Variants in MYO3A observed in about 807,000 individuals in gnomAD.
MYO3A encodes the protein myosin IIIA.
Under a neutral mutation model 192.7 loss-of-function variants are expected in MYO3A, and 180 were observed. The observed-to-expected ratio is 0.93, with a 90% CI of 0.83 to 1.06. MYO3A has a LOEUF of 1.06. Among genes scored for constraint, MYO3A ranks in the 50% least tolerant of loss-of-function variants. The pLI, the probability that MYO3A is intolerant of heterozygous loss-of-function variation, is 0.00. For missense variants in MYO3A, 1,896 were observed against 1,905.0 expected (o/e 1.00, Z 0.09); for synonymous variants, 628 against 645.3 (o/e 0.97, Z 0.41).
intron 20 of MYO3A, among the ~76,000 whole-genome samples, chr10:26,135,787 G>A (rs1442028586): frequency 2.6e-5 from 4 of 151,882 alleles, no homozygotes; most frequent in East Asian, 1.9e-4. Flanking sequence ...CCAACATGGC[G>A]ACACCTCATC....
At chr10:26,020,004 C>T (rs1236130621) in intron 7 of MYO3A, among the ~76,000 whole-genome samples, 2 of 151,554 alleles carry the variant, frequency 1.3e-5, no homozygotes, top group Non-Finnish European at 3.0e-5. Flanking sequence ...ATGATGATGT[C>T]CCATCAAACT....
At chr10:26,077,233 GTTTTTTTTT>G (rs34464120) in intron 14 of MYO3A, among the ~76,000 whole-genome samples, 4 of 36,294 alleles carry the variant, frequency 1.1e-4, no homozygotes, top group African/African-American at 3.9e-4. Flanking sequence ...TATTCCTAAG[GTTTTTTTTT>G]TTTTTTTTTT....
chr10:26,096,183 T>C (rs1043092316), intron 15 of MYO3A, among the ~76,000 whole-genome samples, 198 bp from the exon 16 acceptor site: 9 of 152,178 alleles, frequency 5.9e-5, no homozygotes, highest in Non-Finnish European at 1.3e-4. Flanking sequence ...TATGAAGTGA[T>C]TAAGATAATT....
intron 34 of MYO3A, among the ~76,000 whole-genome samples, chr10:26,206,605 T>C (rs1265666753): frequency 6.6e-6 from 1 of 151,816 alleles, no homozygotes; most frequent in Non-Finnish European, 1.5e-5. Flanking sequence ...CCTGCCACCA[T>C]ACCCATCTAA....
chr10:25,942,677 T>C (rs1836575135), intron 2 of MYO3A, among the ~76,000 whole-genome samples: 1 of 152,228 alleles, frequency 6.6e-6, no homozygotes, highest in Non-Finnish European at 1.5e-5. Context: ...ACTTTTTGAT[T>C]TGCATTTTCC....
rs190562433 is a variant in MYO3A at position 26,118,202 on chromosome 10, G to A, written c.1777-2474G>A. Among the ~76,000 whole-genome samples the A allele has an allele frequency of 4.0e-3, 606 of 151,128 alleles. 1 individual carries two copies. Among genetic ancestry groups the A allele is most frequent in the Non-Finnish European group, 7.3e-3 (497 of 67,744 alleles). On this transcript the variant is annotated intron_variant, in intron 17 of 34. Coordinates refer to ENST00000642920, the MANE Select transcript of MYO3A (RefSeq NM_017433.5). The stretch of plus-strand genomic sequence containing the variant: ...TTTAATAGGGTTTTTTTTTTCCTAA[G>A]GCCTATAGTTTCCTCAAGAAAAATA...
intron 10 of MYO3A, among the ~76,000 whole-genome samples, chr10:26,028,815 A>G (rs1842675751): frequency 1.3e-5 from 2 of 152,126 alleles, no homozygotes; most frequent in African/African-American, 2.4e-5. Context: ...CTAGAGTCCT[A>G]GGGGAAATGT....
rs758466958 is a variant in MYO3A at position 26,176,806 on chromosome 10, C to A, written c.4399C>A (p.Pro1467Thr). 3 of 1,613,950 alleles carry A rather than the reference C, an allele frequency of 1.9e-6. No homozygotes were observed. In the African/African-American group the frequency reaches 4.0e-5, roughly 22 times the overall value. The stretch of plus-strand genomic sequence containing the variant: ...TTATCTGGGTGTCTCGCACCATAAG[C>A]CAATTAATAGACGAGTTTCTTCTCA... Reference protein sequence around the residue: ...SLYLGVSHHKPINRRVSSQQC... With the variant: ...SLYLGVSHHKTINRRVSSQQC... The change falls in exon 31 of 35, where the codon CCA (proline) becomes ACA (threonine). Residue 1467 changes from proline (P) to threonine (T), a missense_variant. Physicochemically the swap from Pro to Thr is conservative, Grantham distance 38 (BLOSUM62 -1). Transcript: ENST00000642920.
intron 6 of MYO3A, among the ~76,000 whole-genome samples, chr10:25,999,363 A>G (rs1384504735): frequency 6.6e-6 from 1 of 152,212 alleles, no homozygotes; most frequent in Non-Finnish European, 1.5e-5. Context: ...TATTAATTAC[A>G]TATAAGATAG....
intron 29 of MYO3A, 124 bp downstream of exon 29, chr10:26,170,663 C>T (rs2132018799): frequency 1.9e-6 from 2 of 1,026,278 alleles, no homozygotes; most frequent in Non-Finnish European, 2.9e-6. Flanking sequence ...CATCAAATGT[C>T]AGTGAACACC....
At chr10:26,111,471 A>C (rs935478255) in intron 17 of MYO3A, among the ~76,000 whole-genome samples, 2 of 152,114 alleles carry the variant, frequency 1.3e-5, no homozygotes, top group Non-Finnish European at 2.9e-5. Flanking sequence ...TTTCCTAGGC[A>C]TGACCACTTC....
intron 32 of MYO3A, among the ~76,000 whole-genome samples, chr10:26,199,058 C>T (rs1360418377): frequency 2.0e-5 from 3 of 152,090 alleles, no homozygotes; most frequent in East Asian, 1.9e-4. Context: ...GTTAATGCAT[C>T]GTGCTCCCCT....
chr10:25,948,061 G>T (rs1447851690), intron 2 of MYO3A, among the ~76,000 whole-genome samples: 10 of 152,112 alleles, frequency 6.6e-5, no homozygotes, highest in Non-Finnish European at 1.5e-4. Flanking sequence ...AGATGATCAG[G>T]GTGGGACTTA....
chr10:26,078,320 T>C (rs1835726841), intron 14 of MYO3A, among the ~76,000 whole-genome samples: 1 of 152,080 alleles, frequency 6.6e-6, no homozygotes, highest in African/African-American at 2.4e-5. Flanking sequence ...AGTGATCTTT[T>C]GTATTTCAGT....
chr10:26,119,826 A>AAGT (rs1838741342), intron 17 of MYO3A, among the ~76,000 whole-genome samples: 1 of 152,132 alleles, frequency 6.6e-6, no homozygotes, highest in African/African-American at 2.4e-5. Flanking sequence ...TATGTTAAAG[A>AAGT]AGTAATAACT....
At chr10:26,020,376 T>C (rs535089686) in intron 7 of MYO3A, among the ~76,000 whole-genome samples, 3 of 152,356 alleles carry the variant, frequency 2.0e-5, no homozygotes, top group East Asian at 3.9e-4. Flanking sequence ...ATTTATGAAG[T>C]AGTCACCTTT....
rs191567877 is a variant in MYO3A at position 26,201,507 on chromosome 10, C to T, written c.4586+202C>T. ...CATCCTGGCTAACACGGTGAAACCC[C>T]GTCTCTACTAAAAATACAAAAAAAA... On this transcript the variant is annotated intron_variant, in intron 33 of 34. Coordinates refer to ENST00000642920, the MANE Select transcript of MYO3A (RefSeq NM_017433.5). Among the ~76,000 whole-genome samples, 2,944 of 151,604 alleles carry T rather than the reference C, an allele frequency of 0.019. 98 individuals carry two copies. Among genetic ancestry groups the T allele is most frequent in the African/African-American group, 0.064 (2,630 of 41,246 alleles).
rs778513462 is a variant in MYO3A at position 26,088,255 on chromosome 10, A to C, written c.1412A>C (p.Glu471Ala). Residue 471 changes from glutamate to alanine, a missense_variant, in exon 15 of 35, where the codon GAA (glutamate) becomes GCA (alanine). Coordinates refer to ENST00000642920, the MANE Select transcript of MYO3A (RefSeq NM_017433.5). The stretch of plus-strand genomic sequence containing the variant: ...ATTTTACAAGTGAACAATTTGGTAG[A>C]AGCCTTTGGCAATGCCTGCACTATT... The part of the protein sequence containing the change: ...EKILQVNNLV[E>A]AFGNACTIIN... 6.2e-7 allele frequency: 1 copy of C among 1,613,610 alleles called. No homozygotes were observed. Among genetic ancestry groups the C allele is most frequent in the Non-Finnish European group, 8.5e-7 (1 of 1,179,758 alleles).
At chr10:26,186,372 T>A (rs1564631239) in intron 31 of MYO3A, among the ~76,000 whole-genome samples, 1 of 151,336 alleles carries the variant, frequency 6.6e-6, no homozygotes, top group Non-Finnish European at 1.5e-5. Context: ...GTTCACACCA[T>A]TCTCCTGCCT....
Sources: gnomAD v4.1 joint callset for allele counts (sites outside exome capture counted in the v4.1 genomes callset) on GRCh38, gnomAD v4.1.1 for gene constraint, MANE v1.5 for transcripts, NCBI Gene and HGNC (gene_info 2026-07-23, HGNC 2026-07-21) for gene names.